Variants in IQCH observed in about 807,000 individuals in gnomAD.
IQCH encodes the protein IQ domain-containing protein H.
IQCH carries 98 observed loss-of-function variants against 117.0 expected under a neutral mutation model. That is an observed-to-expected ratio of 0.84 (90% CI 0.71 to 0.99). IQCH has a LOEUF of 0.99. Ranked by LOEUF, IQCH falls within the 50% of genes least tolerant of loss-of-function variation. The pLI, the probability that IQCH is intolerant of heterozygous loss-of-function variation, is 0.00. For missense variants in IQCH, 1,102 were observed against 1,243.8 expected (o/e 0.89, Z 1.72); for synonymous variants, 412 against 448.2 (o/e 0.92, Z 1.02).
chr15:67,277,354 C>A (rs1966165421), intron 3 of IQCH, among the ~76,000 whole-genome samples: 1 of 151,748 alleles, frequency 6.6e-6, no homozygotes, highest in South Asian at 2.1e-4. Flanking sequence ...TTTTTCTTGC[C>A]TTTTAGCATG....
At chr15:67,358,542 C>A (rs1319430986) in intron 7 of IQCH, among the ~76,000 whole-genome samples, 2 of 152,100 alleles carry the variant, frequency 1.3e-5, no homozygotes, top group Non-Finnish European at 2.9e-5. Flanking sequence ...CAATGTAATT[C>A]ATTCTTATGG....
At chr15:67,402,388 A>G (rs1158350651) in intron 14 of IQCH, among the ~76,000 whole-genome samples, 1 of 152,208 alleles carries the variant, frequency 6.6e-6, no homozygotes, top group Non-Finnish European at 1.5e-5. Context: ...TTTGCCTTCA[A>G]AGTGAAATCA....
chr15:67,298,656 A>C (rs1174719075), intron 4 of IQCH, among the ~76,000 whole-genome samples: 2 of 152,152 alleles, frequency 1.3e-5, no homozygotes, highest in African/African-American at 4.8e-5. Context: ...ATTTGAGGCC[A>C]GGAGTTCAAG....
In IQCH at chr15:67,417,172, C is replaced by T. The variant is rs2081598363; in HGVS notation, c.2218+121C>T. ...TCCTGTGTTGGTTTAGAAAAGTGCT[C>T]CTACGGTTTTCTTTTTCAAATGTTG... On this transcript the variant is annotated intron_variant, in intron 15 of 20. Transcript: ENST00000335894. The surrounding 1 kb of genome is among the most constrained non-coding windows in gnomAD (Gnocchi z 4.3). The T allele has an allele frequency of 1.3e-6, 1 of 764,912 alleles. No individual in the cohort carries two copies. The allele number at this position is 764,912 out of a possible 1,614,324, so 47.4% of individuals were successfully genotyped here. A position where few individuals can be genotyped will look rare whatever the true frequency, so the allele number is the denominator to read the frequency against.
rs1168071842 is a variant in IQCH, at chr15:67,381,993, GAATT to G, written c.1373-2940_1373-2937del. Among the ~76,000 whole-genome samples, 16 of 147,102 alleles carry G rather than the reference GAATT, an allele frequency of 1.1e-4. No individual in the cohort carries two copies. The East Asian group carries it at 1.4e-3, about 13-fold the overall frequency. ...TGATACCCTGTCAAAAAAAAAAAAA[GAATT>G]AAAAGATTTTTTGAGTACGGGCTTC... On this transcript the variant is annotated intron_variant, in intron 10 of 20. Transcript: ENST00000335894. The surrounding 1 kb of genome is among the most constrained non-coding windows in gnomAD (Gnocchi z 5.1).
At chr15:67,383,258 T>A in intron 10 of IQCH, among the ~76,000 whole-genome samples, 1 of 152,216 alleles carries the variant, frequency 6.6e-6, no homozygotes, top group East Asian at 1.9e-4. Flanking sequence ...AAGATTAGCA[T>A]ACACTTCTTT....
At chr15:67,354,351 C>T (rs1297059907) in intron 6 of IQCH, among the ~76,000 whole-genome samples, 2 of 151,774 alleles carry the variant, frequency 1.3e-5, no homozygotes, top group Non-Finnish European at 2.9e-5. Context: ...CTCATGGTCT[C>T]AATATATACC....
chr15:67,361,221 A>G (rs1307937291), intron 8 of IQCH, among the ~76,000 whole-genome samples: 1 of 152,180 alleles, frequency 6.6e-6, no homozygotes, highest in African/African-American at 2.4e-5. Flanking sequence ...CTTTTCAAAT[A>G]GTACTACTAC....
Position 67,475,007 on chromosome 15 carries a change from C to T in IQCH, c.2677-689C>T, listed in dbSNP as rs900341020. On this transcript the variant is annotated intron_variant, in intron 17 of 20. Coordinates refer to ENST00000335894, the MANE Select transcript of IQCH (RefSeq NM_001031715.3). The surrounding 1 kb of genome is among the most constrained non-coding windows in gnomAD (Gnocchi z 5.7). ...CACAAAATGCTTGCCCATTACTCCT[C>T]GGAACTGTTAAGATCATCAAACCAC... Among the ~76,000 whole-genome samples, 5 of 152,234 alleles carry T rather than the reference C, an allele frequency of 3.3e-5. No individual in the cohort carries two copies. Among genetic ancestry groups the T allele is most frequent in the South Asian group, 2.1e-4 (1 of 4,820 alleles).
At chr15:67,316,600 G>C (rs1257884230) in intron 4 of IQCH, among the ~76,000 whole-genome samples, 2 of 152,084 alleles carry the variant, frequency 1.3e-5, no homozygotes, top group Non-Finnish European at 2.9e-5. Context: ...ATTTCTGAGG[G>C]CTTCTCTGAG....
At chr15:67,380,560 A>G (rs944796561) in intron 10 of IQCH, among the ~76,000 whole-genome samples, 1 of 152,204 alleles carries the variant, frequency 6.6e-6, no homozygotes, top group African/African-American at 2.4e-5. Flanking sequence ...TGTCTAGATC[A>G]TAGTTCTCTA....
intron 16 of IQCH, among the ~76,000 whole-genome samples, chr15:67,440,455 T>C (rs2082242496): frequency 6.6e-6 from 1 of 152,208 alleles, no homozygotes; most frequent in East Asian, 1.9e-4. Context: ...TGAACATTGA[T>C]GCTAAAATCT....
Position 67,445,411 on chromosome 15 carries a change from C to G in IQCH, c.2506-19716C>G, listed in dbSNP as rs529107440. Among the ~76,000 whole-genome samples, 8 of 152,062 alleles carry G rather than the reference C, an allele frequency of 5.3e-5. No homozygotes were observed. Among genetic ancestry groups the G allele is most frequent in the African/African-American group, 1.9e-4 (8 of 41,506 alleles). ...TTCCCCTGTCATGTTACATTCCTAT[C>G]CCACCCCAGAGTACCTACCTCATGT... On this transcript the variant is annotated intron_variant, in intron 16 of 20. Transcript: ENST00000335894. This position sits in a 1 kb window ranked among gnomAD's most constrained non-coding sequence, Gnocchi z 4.3.
chr15:67,366,800 C>T lies in IQCH; in HGVS notation c.754-5311C>T, dbSNP rs1474486204. On this transcript the variant is annotated intron_variant, in intron 8 of 20. Transcript: ENST00000335894. This position sits in a 1 kb window ranked among gnomAD's most constrained non-coding sequence, Gnocchi z 4.4. ...GAACACTACTCTTTGGGGTTCTCTC[C>T]CCATGACCACCTTTACCATTAGGTG... is the stretch of plus-strand genomic sequence containing the variant. Among the ~76,000 whole-genome samples, 2 of 152,172 alleles carry T rather than the reference C, an allele frequency of 1.3e-5. No individual in the cohort carries two copies. The highest frequency in any genetic ancestry group is 2.9e-5 in the Non-Finnish European group (2 of 68,026).
chr15:67,307,126 A>G, intron 4 of IQCH: 1 of 1,129,948 alleles, frequency 8.8e-7, no homozygotes, highest in Non-Finnish European at 1.1e-6. Flanking sequence ...AAAAAATCAT[A>G]AAAACATTTT....
intron 16 of IQCH, among the ~76,000 whole-genome samples, chr15:67,434,785 C>CTTTTTTTTTTT (rs775675138): frequency 2.4e-5 from 3 of 126,870 alleles, no homozygotes; most frequent in African/African-American, 5.9e-5. Context: ...CTTTTCTTTT[C>CTTTTTTTTTTT]TTTTTTTTTT....
intron 4 of IQCH, among the ~76,000 whole-genome samples, chr15:67,312,028 T>C (rs1408322232): frequency 6.6e-6 from 1 of 152,166 alleles, no homozygotes; most frequent in African/African-American, 2.4e-5. Flanking sequence ...TGATATACTT[T>C]TACTTTGTGC....
intron 4 of IQCH, chr15:67,306,743 T>C (rs1324540355): frequency 4.4e-6 from 4 of 916,404 alleles, no homozygotes; most frequent in Non-Finnish European, 6.9e-6. Context: ...CAAAAACATA[T>C]TAAAAGTGAG....
chr15:67,378,820 A>G (rs1252024461), intron 10 of IQCH, among the ~76,000 whole-genome samples: 4 of 152,152 alleles, frequency 2.6e-5, no homozygotes, highest in East Asian at 1.9e-4. Context: ...ACTATAAAAG[A>G]TAACATCCTT....
Sources: gnomAD v4.1 joint callset for allele counts (sites outside exome capture counted in the v4.1 genomes callset) on GRCh38, gnomAD v4.1.1 for gene constraint, Gnocchi (gnomAD v3.1) non-coding constraint, MANE v1.5 for transcripts, NCBI Gene and HGNC (gene_info 2026-07-23, HGNC 2026-07-21) for gene names.